PRKCA: variants seen among roughly 807,000 people sequenced by gnomAD.
PRKCA encodes protein kinase C alpha type.
In PRKCA, 27 loss-of-function variants were observed where a neutral mutation model predicts 87.0. That is an observed-to-expected ratio of 0.31 (90% CI 0.23 to 0.43). The LOEUF is 0.43. Among genes scored for constraint, PRKCA ranks in the 20% least tolerant of loss-of-function variants. The pLI is 1.00. For synonymous variants in PRKCA, 329 were observed against 311.1 expected, an observed-to-expected ratio of 1.06 and a Z score of -0.61; for missense variants, 518 against 852.3, an observed-to-expected ratio of 0.61 and a Z score of 4.88.
chr17:66,415,336 A>G (rs1284349059), intron 2 of PRKCA: 2 of 152,304 alleles, frequency 1.3e-5, no homozygotes, highest in East Asian at 1.9e-4. Flanking sequence ...TCAAATTAGC[A>G]TGAGGTTGAT....
chr17:66,417,835 T>C (rs907316505), intron 2 of PRKCA, among the ~76,000 whole-genome samples: 1 of 152,164 alleles, frequency 6.6e-6, no homozygotes, highest in African/African-American at 2.4e-5. Flanking sequence ...GTCCTAGAGT[T>C]GCTCAGGCCA....
In PRKCA at chr17:66,803,923, C is replaced by T. The variant is rs145639499; in HGVS notation, c.1905C>T (p.Pro635=). 6.2e-5 allele frequency: 100 copies of T among 1,613,822 alleles called. No homozygotes were observed. Among genetic ancestry groups the T allele is most frequent in the Middle Eastern group, 1.6e-4 (1 of 6,074 alleles). ...ACAAGTTCTTCACACGAGGACAGCCCGTCTTAACACCACCTGATCAGCTGG... is the reference window on the plus strand; with the variant it reads ...ACAAGTTCTTCACACGAGGACAGCCTGTCTTAACACCACCTGATCAGCTGG... The part of the protein sequence containing the change: ...NFDKFFTRGQ[P]VLTPPDQLVI... The change falls in exon 17 of 17, where the codon CCC becomes CCT. Residue 635 remains proline (P), a synonymous_variant. Transcript: ENST00000413366. The surrounding 1 kb of genome is among the most constrained non-coding windows in gnomAD (Gnocchi z 4.4).
chr17:66,714,247 G>A (rs1474425500), intron 8 of PRKCA, among the ~76,000 whole-genome samples: 3 of 151,684 alleles, frequency 2.0e-5, no homozygotes, highest in Admixed American at 6.6e-5. Context: ...TGGGGAGAAT[G>A]CCCCCTTGTG....
intron 2 of PRKCA, among the ~76,000 whole-genome samples, chr17:66,439,129 A>C (rs1268751655): frequency 6.6e-6 from 1 of 151,754 alleles, no homozygotes; most frequent in Non-Finnish European, 1.5e-5. Context: ...ATTTCATTCA[A>C]CCCTCCCAAC....
At chr17:66,327,166 A>T (rs566185167) in intron 2 of PRKCA, among the ~76,000 whole-genome samples, 2 of 151,944 alleles carry the variant, frequency 1.3e-5, no homozygotes, top group African/African-American at 4.8e-5. Flanking sequence ...GTCAGGAGAG[A>T]CCATCCTGGC....
At chr17:66,756,662 G>T (rs1388229340) in intron 13 of PRKCA, among the ~76,000 whole-genome samples, 1 of 151,886 alleles carries the variant, frequency 6.6e-6, no homozygotes, top group Non-Finnish European at 1.5e-5. Flanking sequence ...TTTGGTTTTT[G>T]GGTTTTTTTT....
At chr17:66,688,544 T>C in intron 7 of PRKCA, 108 bp downstream of exon 7, 1 of 1,421,750 alleles carries the variant, frequency 7.0e-7, no homozygotes, top group Non-Finnish European at 9.6e-7. Context: ...GCCTCATGCT[T>C]GTAATCCCAG....
chr17:66,688,880 G>C, intron 7 of PRKCA, 71 bp from the exon 8 acceptor site: 2 of 964,122 alleles, frequency 2.1e-6, no homozygotes, highest in Non-Finnish European at 3.3e-6. Context: ...TCACAAAACC[G>C]CTCGACTAGA....
At chr17:66,498,770 G>A (rs112607990) in intron 3 of PRKCA, among the ~76,000 whole-genome samples, 9 of 152,238 alleles carry the variant, frequency 5.9e-5, no homozygotes, top group African/African-American at 2.2e-4. Context: ...GTGCGTACGC[G>A]CATGTGTGCA....
Position 66,803,335 on chromosome 17 carries a change from T to C in PRKCA, c.1855-538T>C, listed in dbSNP as rs536539620. 1.3e-5 allele frequency among the ~76,000 whole-genome samples: 2 copies of C among 152,294 alleles called. No homozygotes were observed. The highest frequency in any genetic ancestry group is 4.1e-4 in the South Asian group (2 of 4,826). ...TGCCGCCACACCTACCTCATATCGC[T>C]TGAAGCTTAATTTAGGGGCTGGGGT... On this transcript the variant is annotated intron_variant, in intron 16 of 16. Transcript: ENST00000413366. This position sits in a 1 kb window ranked among gnomAD's most constrained non-coding sequence, Gnocchi z 4.4.
intron 16 of PRKCA, among the ~76,000 whole-genome samples, chr17:66,790,867 A>G (rs907417796): frequency 6.6e-6 from 1 of 152,098 alleles, no homozygotes; most frequent in African/African-American, 2.4e-5. Flanking sequence ...CTCCGCAGGC[A>G]AGAATGTGAA....
intron 3 of PRKCA, among the ~76,000 whole-genome samples, chr17:66,496,930 A>G (rs1916501163): frequency 9.0e-6 from 1 of 111,436 alleles, no homozygotes; most frequent in South Asian, 2.7e-4. Flanking sequence ...GGTGTGAGCC[A>G]CTGGGCCCTG....
intron 2 of PRKCA, among the ~76,000 whole-genome samples, chr17:66,348,834 T>C (rs1907563272): frequency 6.6e-6 from 1 of 152,176 alleles, no homozygotes; most frequent in Non-Finnish European, 1.5e-5. Flanking sequence ...ATGTGGATAA[T>C]GGAGTTGTAA....
At chr17:66,472,604 G>C (rs1915371155) in intron 2 of PRKCA, among the ~76,000 whole-genome samples, 1 of 152,204 alleles carries the variant, frequency 6.6e-6, no homozygotes, top group Non-Finnish European at 1.5e-5. Context: ...AGAGTCAGCA[G>C]AGTTGATGTG....
rs147323707 is a variant in PRKCA at position 66,788,283 on chromosome 17, A to G, written c.1714-556A>G. Among the ~76,000 whole-genome samples the G allele has an allele frequency of 4.6e-5, 7 of 152,286 alleles. No homozygotes were observed. In the East Asian group the frequency reaches 5.8e-4, roughly 13 times the overall value. On this transcript the variant is annotated intron_variant, in intron 15 of 16. Coordinates refer to ENST00000413366, the MANE Select transcript of PRKCA (RefSeq NM_002737.3). Reference sequence around the variant, plus strand: ...GAGGAACTGGCTTCTGCCTTCAGAGAGTTCATAGACAGTGTTTGTCTCTGT... The same window carrying G: ...GAGGAACTGGCTTCTGCCTTCAGAGGGTTCATAGACAGTGTTTGTCTCTGT...
At position 66,809,719 on chromosome 17, in the gene PRKCA, C is replaced by G. The variant is rs531853877; in HGVS notation, c.*5682C>G. 6.6e-6 allele frequency: 1 copy of G among 152,294 alleles called. No individual in the cohort carries two copies. Among genetic ancestry groups the G allele is most frequent in the East Asian group, 1.9e-4 (1 of 5,176 alleles). 9.4% of individuals were successfully genotyped at this position (152,294 alleles called of 1,614,324 possible). A position where few individuals can be genotyped will look rare whatever the true frequency, so the allele number is the denominator to read the frequency against. ...ATGCTCTGCGAGTTTTTAATAGACACTGGGGACAACTGCTTAAGGTTTAGA... is the reference window on the plus strand; with the variant it reads ...ATGCTCTGCGAGTTTTTAATAGACAGTGGGGACAACTGCTTAAGGTTTAGA... On this transcript the variant is annotated 3_prime_UTR_variant, in exon 17 of 17. Transcript: ENST00000413366.
At chr17:66,524,172 A>C (rs1431607421) in intron 3 of PRKCA, among the ~76,000 whole-genome samples, 1 of 152,152 alleles carries the variant, frequency 6.6e-6, no homozygotes, top group Non-Finnish European at 1.5e-5. Flanking sequence ...TTCAACAAAA[A>C]CATTTACTGC....
intron 2 of PRKCA, among the ~76,000 whole-genome samples, chr17:66,336,959 T>G (rs1906735468): frequency 6.6e-6 from 1 of 152,070 alleles, no homozygotes; most frequent in South Asian, 2.1e-4. Flanking sequence ...CAGCTAATTT[T>G]TTTGTACTTT....
At chr17:66,745,663 G>A (rs1196859531) in intron 13 of PRKCA, among the ~76,000 whole-genome samples, 2 of 152,056 alleles carry the variant, frequency 1.3e-5, no homozygotes, top group African/African-American at 2.4e-5. Flanking sequence ...CCTGGGCAAC[G>A]GAGTGAGACA....
Sources: allele counts gnomAD v4.1 joint callset (sites outside exome capture counted in the v4.1 genomes callset), GRCh38; gene constraint gnomAD v4.1.1; non-coding constraint Gnocchi (gnomAD v3.1); transcripts MANE v1.5; gene names NCBI Gene and HGNC (gene_info 2026-07-23, HGNC 2026-07-21).